BCL7A: variants seen among roughly 807,000 people sequenced by gnomAD.
BCL7A encodes B-cell CLL/lymphoma 7 protein family member A.
A neutral mutation model predicts 28.4 loss-of-function variants in BCL7A; 11 were observed. That is an observed-to-expected ratio of 0.39 (90% CI 0.24 to 0.64). BCL7A has a LOEUF of 0.64. BCL7A is among the 30% of genes least tolerant of loss of function. The pLI is 0.50. For synonymous variants in BCL7A, 123 were observed against 103.3 expected (o/e 1.19, Z -1.15); for missense variants, 222 against 274.8 (o/e 0.81, Z 1.36).
At chr12:122,038,072 G>A (rs1419586461) in intron 3 of BCL7A, among the ~76,000 whole-genome samples, 1 of 151,924 alleles carries the variant, frequency 6.6e-6, no homozygotes, top group Non-Finnish European at 1.5e-5. Flanking sequence ...AGTGAGCCGA[G>A]ATCGCACCAC....
intron 1 of BCL7A, among the ~76,000 whole-genome samples, chr12:122,023,596 G>A (rs1593020002): frequency 6.6e-6 from 1 of 152,348 alleles, no homozygotes; most frequent in African/African-American, 2.4e-5. Flanking sequence ...CCGTGGGCTG[G>A]GTTTGGCTCC....
rs969809549 is a variant in BCL7A, at chr12:122,029,704, G to A, written c.93-996G>A. ...CTGATCTGGCAGAGTCTTGATTTAGGAGCCTCGGTTCCAACCCCAGCCCTG... is the reference window on the plus strand; with the variant it reads ...CTGATCTGGCAGAGTCTTGATTTAGAAGCCTCGGTTCCAACCCCAGCCCTG... On this transcript the variant is annotated intron_variant, in intron 1 of 5. Coordinates refer to ENST00000261822, the MANE Select transcript of BCL7A (RefSeq NM_001024808.3). The surrounding 1 kb of genome is among the most constrained non-coding windows in gnomAD (Gnocchi z 4.3). Among the ~76,000 whole-genome samples the A allele has an allele frequency of 6.6e-6, 1 of 152,124 alleles. No individual in the cohort carries two copies. Among genetic ancestry groups the A allele is most frequent in the African/African-American group, 2.4e-5 (1 of 41,422 alleles).
chr12:122,022,208 C>G (rs769382911), intron 1 of BCL7A, 25 bp downstream of exon 1: 1 of 1,417,204 alleles, frequency 7.1e-7, no homozygotes. Context: ...CCGCCGCCAG[C>G]CGCCTCCCCG....
At chr12:122,040,084 C>T (rs1031279979) in intron 3 of BCL7A, among the ~76,000 whole-genome samples, 4 of 152,098 alleles carry the variant, frequency 2.6e-5, no homozygotes, top group African/African-American at 4.8e-5. Flanking sequence ...GTGCTAAGCC[C>T]GTTACATCAT....
intron 2 of BCL7A, 25 bp from the exon 3 acceptor site, chr12:122,035,306 G>T (rs1246919697): frequency 7.5e-6 from 12 of 1,602,208 alleles, no homozygotes; most frequent in African/African-American, 5.4e-5. Context: ...TGGTGACTTG[G>T]TTTCTGCTCC....
intron 5 of BCL7A, among the ~76,000 whole-genome samples, chr12:122,058,382 G>C (rs1951893409): frequency 6.6e-6 from 1 of 152,112 alleles, no homozygotes; most frequent in Non-Finnish European, 1.5e-5. Context: ...AAATTAGCCA[G>C]GCATGGTGGT....
intron 1 of BCL7A, among the ~76,000 whole-genome samples, chr12:122,023,611 G>A (rs548484437): frequency 6.6e-6 from 1 of 152,346 alleles, no homozygotes; most frequent in East Asian, 1.9e-4. Context: ...GGCTCCAGTG[G>A]GACAAAGAAT....
intron 4 of BCL7A, among the ~76,000 whole-genome samples, chr12:122,045,246 T>C (rs765495728): frequency 1.3e-5 from 2 of 152,144 alleles, no homozygotes; most frequent in Non-Finnish European, 2.9e-5. Context: ...CAGAGTGTGG[T>C]GGCATGTGCC....
chr12:122,038,407 G>A (rs1334272375), intron 3 of BCL7A, among the ~76,000 whole-genome samples: 2 of 135,856 alleles, frequency 1.5e-5, no homozygotes, highest in East Asian at 4.7e-4. Flanking sequence ...ACTCCAGCCT[G>A]GGCAAAGGAG....
Position 122,059,219 on chromosome 12 carries a change from T to G in BCL7A, c.*56T>G. 1 of 1,523,204 alleles carries G rather than the reference T, an allele frequency of 6.6e-7. No homozygotes were observed. The highest frequency in any genetic ancestry group is 9.1e-7 in the Non-Finnish European group (1 of 1,099,556). The allele number at this position is 1,523,204 out of a possible 1,614,324, so 94.4% of individuals were successfully genotyped here. A position where few individuals can be genotyped will look rare whatever the true frequency, so the allele number is the denominator to read the frequency against. On this transcript the variant is annotated 3_prime_UTR_variant, in exon 6 of 6. Coordinates refer to ENST00000261822, the MANE Select transcript of BCL7A (RefSeq NM_001024808.3). This position sits in a 1 kb window ranked among gnomAD's most constrained non-coding sequence, Gnocchi z 4.0. Reference sequence around the variant, plus strand: ...CATGGAAGGTACATCAGCAATTAATTCTAGAGCAACTTTGCCCCAGCGATT... The same window carrying G: ...CATGGAAGGTACATCAGCAATTAATGCTAGAGCAACTTTGCCCCAGCGATT...
intron 4 of BCL7A, among the ~76,000 whole-genome samples, chr12:122,053,695 G>T (rs943844862): frequency 1.1e-4 from 6 of 54,890 alleles, no homozygotes; most frequent in Non-Finnish European, 7.5e-5. Context: ...CCACCCCCCC[G>T]CCCCATCCAG....
chr12:122,035,806 CT>C (rs1883838587), intron 3 of BCL7A, among the ~76,000 whole-genome samples: 1 of 152,106 alleles, frequency 6.6e-6, no homozygotes. Flanking sequence ...GCTTTGGCTG[CT>C]GGGAATCTCC....
chr12:122,046,040 G>A (rs1425746416), intron 4 of BCL7A, among the ~76,000 whole-genome samples: 1 of 112,972 alleles, frequency 8.9e-6, no homozygotes, highest in Non-Finnish European at 1.7e-5. Flanking sequence ...TCCAGCCTGG[G>A]TAACAGGGTG....
chr12:122,028,885 G>C (rs1224524141), intron 1 of BCL7A, among the ~76,000 whole-genome samples: 1 of 152,110 alleles, frequency 6.6e-6, no homozygotes, highest in Non-Finnish European at 1.5e-5. Context: ...AGGAGCACTC[G>C]GTCTCTTCTG....
In BCL7A at chr12:122,060,042, G is replaced by A. The variant is rs758401094; in HGVS notation, c.*879G>A. The A allele has an allele frequency of 3.9e-5, 9 of 233,176 alleles. No individual in the cohort carries two copies. Among genetic ancestry groups the A allele is most frequent in the Admixed American group, 1.7e-4 (3 of 17,768 alleles). The allele number at this position is 233,176 out of a possible 1,614,324, so 14.4% of individuals were successfully genotyped here. ...TGCTTTCTCCCAGACCTCCGAATACGAAATGGCTTCTCTGGCTGACTGCAA... is the reference window on the plus strand; with the variant it reads ...TGCTTTCTCCCAGACCTCCGAATACAAAATGGCTTCTCTGGCTGACTGCAA... On this transcript the variant is annotated 3_prime_UTR_variant, in exon 6 of 6. Transcript: ENST00000261822.
At chr12:122,038,045 T>C (rs190091473) in intron 3 of BCL7A, among the ~76,000 whole-genome samples, 2 of 151,316 alleles carry the variant, frequency 1.3e-5, no homozygotes, top group Non-Finnish European at 2.9e-5. Flanking sequence ...CGCTTGAACC[T>C]AGGAGGCAGA....
At chr12:122,040,151 A>G (rs1883937872) in intron 3 of BCL7A, among the ~76,000 whole-genome samples, 1 of 152,240 alleles carries the variant, frequency 6.6e-6, no homozygotes, top group Admixed American at 6.5e-5. Context: ...ACTAAGGCCC[A>G]GTGAGGTGAA....
At chr12:122,042,856 A>G (rs1250173874) in intron 3 of BCL7A, among the ~76,000 whole-genome samples, 1 of 152,168 alleles carries the variant, frequency 6.6e-6, no homozygotes, top group Non-Finnish European at 1.5e-5. Context: ...GTTCCTTAAT[A>G]GCTTTTAAAA....
At chr12:122,037,990 G>A (rs1003932204) in intron 3 of BCL7A, among the ~76,000 whole-genome samples, 25 of 151,760 alleles carry the variant, frequency 1.6e-4, no homozygotes, top group African/African-American at 4.6e-4. Context: ...GTGTAGTGGC[G>A]GGCACCTGTA....
Sources: allele counts gnomAD v4.1 joint callset (sites outside exome capture counted in the v4.1 genomes callset), GRCh38; gene constraint gnomAD v4.1.1; non-coding constraint Gnocchi (gnomAD v3.1); transcripts MANE v1.5; gene names NCBI Gene and HGNC (gene_info 2026-07-23, HGNC 2026-07-21).